The following TRPM5 variants were observed in gnomAD, a reference collection of about 807,000 sequenced individuals.
TRPM5 encodes transient receptor potential cation channel subfamily M member 5.
Under a neutral mutation model 124.9 loss-of-function variants are expected in TRPM5, and 121 were observed. The observed-to-expected ratio is 0.97, with a 90% CI of 0.84 to 1.13. The LOEUF (loss-of-function observed/expected upper bound fraction) is 1.13, where lower values mean the gene tolerates loss of function less well. Among genes scored for constraint, TRPM5 ranks in the 50% most tolerant of loss-of-function variants. The pLI is 0.00. For missense variants in TRPM5, 1,643 were observed against 1,589.1 expected (o/e 1.03, Z -0.58); for synonymous variants, 781 against 700.5 (o/e 1.11, Z -1.81).
upstream of TRPM5, chr11:2,423,063 C>T: frequency 1.3e-6 from 2 of 1,586,862 alleles, no homozygotes; most frequent in Non-Finnish European, 1.7e-6. Flanking sequence ...GCAGGGATAC[C>T]CTGGCCCTTG....
chr11:2,444,225 C>T, the TRPM5 span, among the ~76,000 whole-genome samples: 23 of 152,294 alleles, frequency 1.5e-4, no homozygotes, highest in South Asian at 2.7e-3. Flanking sequence ...CGAGCGTATT[C>T]GCCGCCCGCA....
chr11:2,420,540 TC>T, intron 3 of TRPM5, 135 bp from the exon 9 acceptor site: 2 of 884,502 alleles, frequency 2.3e-6, no homozygotes, highest in Non-Finnish European at 3.3e-6. Flanking sequence ...AGCCTTGGTT[TC>T]CCCACCCTTC....
rs533906524 is a variant in TRPM5 at position 2,418,047 on chromosome 11, G to A, written c.906+120C>T. The A allele has an allele frequency of 3.8e-6, 4 of 1,053,006 alleles. No homozygotes were observed. The African/African-American group carries it at 6.4e-5, about 17-fold the overall frequency. 65.2% of individuals were successfully genotyped at this position (1,053,006 alleles called of 1,614,324 possible). A position where few individuals can be genotyped will look rare whatever the true frequency, so the allele number is the denominator to read the frequency against. On this transcript the variant is annotated intron_variant, in intron 6 of 23. Transcript: ENST00000155858. Reference sequence around the variant, plus strand: ...TGGGCCTGAAGCGAGAGTGGGTGGGGGGCCCAGCAGCCTGAGGTGGGAGGA... The same window carrying A: ...TGGGCCTGAAGCGAGAGTGGGTGGGAGGCCCAGCAGCCTGAGGTGGGAGGA...
At chr11:2,425,173 G>A (rs888729418), upstream of TRPM5, among the ~76,000 whole-genome samples, 9 of 152,158 alleles carry the variant, frequency 5.9e-5, no homozygotes, top group African/African-American at 9.6e-5. Context: ...GTTGTGTCCC[G>A]GGGCTGCCAA....
exon 10 of TRPM5, chr11:2,415,004 A>G (rs1850539034): frequency 1.2e-6 from 2 of 1,605,222 alleles, no homozygotes; most frequent in African/African-American, 2.7e-5. Context: ...GTTCAGGTCC[A>G]GCAGCCACTT....
the TRPM5 span, among the ~76,000 whole-genome samples, chr11:2,436,077 C>T: frequency 6.6e-6 from 1 of 152,260 alleles, no homozygotes; most frequent in South Asian, 2.1e-4. Flanking sequence ...CTGACCTCCC[C>T]CACACCGTAA....
the TRPM5 span, among the ~76,000 whole-genome samples, chr11:2,433,425 T>C: frequency 6.6e-6 from 1 of 152,200 alleles, no homozygotes; most frequent in Admixed American, 6.5e-5. Context: ...ATGCTGGCTG[T>C]GGAGAGGCCG....
At chr11:2,411,222 C>T in intron 18 of TRPM5, 130 bp downstream of exon 23, 1 of 1,168,114 alleles carries the variant, frequency 8.6e-7, no homozygotes, top group Non-Finnish European at 1.2e-6. Flanking sequence ...TCAGCCACTT[C>T]TCCCATCTCT....
At chr11:2,432,629 C>G in the TRPM5 span, among the ~76,000 whole-genome samples, 2 of 152,250 alleles carry the variant, frequency 1.3e-5, no homozygotes, top group African/African-American at 4.8e-5. Flanking sequence ...GCAGCCTCCC[C>G]CCAGGCACAT....
the TRPM5 span, among the ~76,000 whole-genome samples, chr11:2,440,204 T>C: frequency 6.6e-6 from 1 of 151,996 alleles, no homozygotes; most frequent in Admixed American, 6.6e-5. The surrounding 1 kb of genome is among the most constrained non-coding windows in gnomAD (Gnocchi z 5.2). Context: ...GGAGCAAGCG[T>C]TGAAAAACTA....
chr11:2,432,369 A>G, the TRPM5 span, among the ~76,000 whole-genome samples: 1 of 152,224 alleles, frequency 6.6e-6, no homozygotes, highest in Non-Finnish European at 1.5e-5. Flanking sequence ...GGACTCCAAC[A>G]GGGCCCAGCC....
In TRPM5 at chr11:2,405,424, C is replaced by A. The variant is rs1002669741; in HGVS notation, c.3391+103G>T. ...CCAAGGCCTCCTGAGACTCCCGGGC[C>A]AGGCAGGGAAGGCAGAGCACACAGC... On this transcript the variant is annotated intron_variant, in intron 23 of 23. Coordinates refer to ENST00000155858, the Ensembl canonical transcript of TRPM5. 11 of 1,244,620 alleles carry A rather than the reference C, an allele frequency of 8.8e-6. No homozygotes were observed. In the African/African-American group the frequency reaches 1.2e-4, roughly 14 times the overall value. The allele number at this position is 1,244,620 out of a possible 1,614,324, so 77.1% of individuals were successfully genotyped here. A position where few individuals can be genotyped will look rare whatever the true frequency, so the allele number is the denominator to read the frequency against.
chr11:2,406,203 C>T, intron 21 of TRPM5, 112 bp from the exon 27 acceptor site: 2 of 1,160,326 alleles, frequency 1.7e-6, no homozygotes, highest in Non-Finnish European at 1.3e-6. Context: ...GGTGCCCTGG[C>T]CCTTTCCCTT....
chr11:2,409,229 T>C (rs750403572), intron 18 of TRPM5, among the ~76,000 whole-genome samples: 4 of 152,112 alleles, frequency 2.6e-5, no homozygotes, highest in Non-Finnish European at 5.9e-5. Context: ...GCCCCTCCTC[T>C]GTCCGCCCTG....
At chr11:2,430,710 TTGGTGGTGGTTTTGGTGGCGG>T in the TRPM5 span, among the ~76,000 whole-genome samples, 1 of 91,640 alleles carries the variant, frequency 1.1e-5, no homozygotes, top group Non-Finnish European at 2.4e-5. Flanking sequence ...GGTGTTGGTG[TTGGTGGTGGTTTTGGTGGCGG>T]TGATGGTGAT....
chr11:2,436,992 GC>G, the TRPM5 span, among the ~76,000 whole-genome samples: 2 of 152,208 alleles, frequency 1.3e-5, no homozygotes, highest in African/African-American at 2.4e-5. Context: ...GGAGGGCCCC[GC>G]CACCAGCCAT....
chr11:2,422,293 G>A lies in TRPM5; in HGVS notation c.146C>T (p.Pro49Leu), dbSNP rs200361945. The change falls in exon 2 of 24, where the codon CCG becomes CTG. Residue 49 changes from proline (P) to leucine (L), a missense_variant. Pro to Leu is a moderately conservative substitution (Grantham distance 98). Transcript: ENST00000155858. ...AAGCAGCAGGTCAAAGAGCACAGAC[G>A]GGGCCACTCCGCTCGGCACCCGTAC... is the stretch of plus-strand genomic sequence containing the variant. 3.3e-4 allele frequency: 536 copies of A among 1,611,892 alleles called. 1 individual carries two copies. The highest frequency in any genetic ancestry group is 3.0e-4 in the Admixed American group (18 of 59,906).
exon 1 of TRPM5, chr11:2,422,966 T>A: frequency 6.2e-7 from 1 of 1,613,050 alleles, no homozygotes; most frequent in Non-Finnish European, 8.5e-7. Flanking sequence ...CTCGCCCCTG[T>A]GCAAGCCCAG....
At chr11:2,414,175 C>T (rs1850517780) in exon 12 of TRPM5, 1 of 1,609,976 alleles carries the variant, frequency 6.2e-7, no homozygotes, top group Admixed American at 1.7e-5. Context: ...AGGCGCGGGC[C>T]TCACTGTTGC....
Sources: gnomAD v4.1 joint callset for allele counts (sites outside exome capture counted in the v4.1 genomes callset) on GRCh38, gnomAD v4.1.1 for gene constraint, Gnocchi (gnomAD v3.1) non-coding constraint, MANE v1.5 for transcripts, NCBI Gene and HGNC (gene_info 2026-07-23, HGNC 2026-07-21) for gene names.